MED15: variants seen among roughly 807,000 people sequenced by gnomAD.
MED15 encodes the protein mediator of RNA polymerase II transcription subunit 15.
In MED15, 41 loss-of-function variants were observed where a neutral mutation model predicts 118.7. That is an observed-to-expected ratio of 0.35 (90% CI 0.27 to 0.45). The LOEUF is 0.45. Among genes scored for constraint, MED15 ranks in the 20% least tolerant of loss-of-function variants. The pLI, the probability that MED15 is intolerant of heterozygous loss-of-function variation, is 1.00. For missense variants in MED15, 740 were observed against 1,025.5 expected (o/e 0.72, Z 3.80); for synonymous variants, 436 against 413.9 (o/e 1.05, Z -0.65).
chr22:20,585,932 C>A, intron 17 of MED15, 106 bp downstream of exon 17: 1 of 1,047,448 alleles, frequency 9.5e-7, no homozygotes, highest in Non-Finnish European at 1.4e-6. Flanking sequence ...GCTCCTGCCC[C>A]TCCCCAGCTC....
chr22:20,533,060 G>A (rs1009253737), intron 1 of MED15, among the ~76,000 whole-genome samples: 8 of 152,234 alleles, frequency 5.3e-5, no homozygotes, highest in African/African-American at 1.9e-4. Context: ...TGGCTGCTCA[G>A]GAAGGCATGC....
At chr22:20,553,307 A>T (rs1176407152) in intron 4 of MED15, 133 bp downstream of exon 4, 1 of 934,980 alleles carries the variant, frequency 1.1e-6, no homozygotes, top group Non-Finnish European at 1.7e-6. Context: ...AGAACTCTGG[A>T]GGGAGGAGGC....
chr22:20,529,335 C>T (rs1165351052), intron 1 of MED15, among the ~76,000 whole-genome samples: 1 of 152,260 alleles, frequency 6.6e-6, no homozygotes, highest in East Asian at 1.9e-4. Flanking sequence ...GCAACCTCCA[C>T]CTCCCTGGTT....
intron 1 of MED15, among the ~76,000 whole-genome samples, chr22:20,520,822 C>T (rs924823370): frequency 2.6e-5 from 4 of 152,100 alleles, no homozygotes; most frequent in South Asian, 2.1e-4. Flanking sequence ...ACTGCAGTCT[C>T]GACCTCCTGT....
chr22:20,522,287 G>A (rs1490279265), intron 1 of MED15: 1 of 152,162 alleles, frequency 6.6e-6, no homozygotes, highest in Non-Finnish European at 1.5e-5. Context: ...AGTGGTACCA[G>A]TTTACGTTCC....
At chr22:20,508,302 C>G (rs1255539664) in intron 1 of MED15, 1 of 1,302,738 alleles carries the variant, frequency 7.7e-7, no homozygotes, top group Admixed American at 2.3e-5. Context: ...AGGAAGCGAT[C>G]GTCGTTTCTG....
At chr22:20,518,957 A>C (rs1370610997) in intron 1 of MED15, 1 of 438,416 alleles carries the variant, frequency 2.3e-6, no homozygotes, top group Admixed American at 2.4e-5. Flanking sequence ...GGCTCAAGCG[A>C]TCCTCCCACG....
At chr22:20,539,167 C>T (rs1205731430) in intron 2 of MED15, among the ~76,000 whole-genome samples, 2 of 152,078 alleles carry the variant, frequency 1.3e-5, no homozygotes, top group Non-Finnish European at 1.5e-5. Flanking sequence ...GGCACGATCT[C>T]GGCTCACTGC....
In MED15 at chr22:20,586,903, G is replaced by T; in HGVS notation, c.*199G>T. 1.2e-6 allele frequency: 1 copy of T among 819,290 alleles called. No homozygotes were observed. The highest frequency in any genetic ancestry group is 2.1e-5 in the South Asian group (1 of 48,582). 50.8% of individuals were successfully genotyped at this position (819,290 alleles called of 1,614,324 possible). A position where few individuals can be genotyped will look rare whatever the true frequency, so the allele number is the denominator to read the frequency against. ...ATAGGCGCAGTGGAGCGGGTTGCTT[G>T]GGGGGCGTTGGCCGACTTCTTAGAG... On this transcript the variant is annotated 3_prime_UTR_variant, in exon 18 of 18. Transcript: ENST00000263205.
chr22:20,570,738 C>CTTTTTTTT (rs2056622196), intron 8 of MED15, among the ~76,000 whole-genome samples: 1 of 90,988 alleles, frequency 1.1e-5, no homozygotes, highest in Non-Finnish European at 2.1e-5. Flanking sequence ...TTCTTTCTTT[C>CTTTTTTTT]TTTCTTTCTT....
chr22:20,577,079 T>C (rs2056844743), intron 9 of MED15, among the ~76,000 whole-genome samples: 1 of 152,194 alleles, frequency 6.6e-6, no homozygotes, highest in Non-Finnish European at 1.5e-5. Flanking sequence ...TTGTAGCAGG[T>C]CATAGTTTGA....
In MED15 at chr22:20,585,690, G is replaced by A. The variant is rs1405263689; in HGVS notation, c.2132-38G>A. 1.9e-6 allele frequency: 3 copies of A among 1,593,894 alleles called. No homozygotes were observed. The East Asian group carries it at 6.7e-5, about 36-fold the overall frequency. ...GGGCTGTGAGGCAGGGCAGGCCGGG[G>A]CTTGTCCAGGTCACAGATAGAGCCT... is the stretch of plus-strand genomic sequence containing the variant. On this transcript the variant is annotated intron_variant, in intron 16 of 17. Coordinates refer to ENST00000263205, the MANE Select transcript of MED15 (RefSeq NM_001003891.3).
At position 20,566,477 on chromosome 22, in the gene MED15, AGCAACAGCAGCT is replaced by A; in HGVS notation, c.705_716del (p.Gln236_Gln239del). The A allele has an allele frequency of 6.2e-7, 1 of 1,612,240 alleles. No homozygotes were observed. The highest frequency in any genetic ancestry group is 8.5e-7 in the Non-Finnish European group (1 of 1,179,674). ...TTGTTCTGTCTCTAGATACAGCAGC[AGCAACAGCAGCT>A]GCAGCGAATAGCACAGCTGCAGCTC... is the stretch of plus-strand genomic sequence containing the variant. On this transcript the variant is annotated inframe_deletion, in exon 7 of 18. Transcript: ENST00000263205.
At chr22:20,537,815 T>A (rs980338341) in intron 2 of MED15, among the ~76,000 whole-genome samples, 3 of 152,190 alleles carry the variant, frequency 2.0e-5, no homozygotes, top group African/African-American at 7.2e-5. Flanking sequence ...AAACACATAT[T>A]CACTTGTGTG....
At chr22:20,555,825 G>C (rs1045931225) in intron 5 of MED15, among the ~76,000 whole-genome samples, 1 of 152,202 alleles carries the variant, frequency 6.6e-6, no homozygotes, top group Non-Finnish European at 1.5e-5. Context: ...GGGCTCAGGT[G>C]ATCCTCACAC....
intron 1 of MED15, among the ~76,000 whole-genome samples, chr22:20,529,973 C>T (rs1394492784): frequency 6.6e-6 from 1 of 152,224 alleles, no homozygotes; most frequent in Non-Finnish European, 1.5e-5. Flanking sequence ...ATCCACCTAC[C>T]TCCGCCTCCC....
Position 20,575,206 on chromosome 22 carries a change from C to A in MED15, c.1246C>A (p.Pro416Thr), listed in dbSNP as rs2056787420. ...AVSAIPSSSI[P>T]LGRQPMAQVS... ...GTCCGCCATCCCGTCAAGCTCCATC[C>A]CTTTGGGCAGACAGCCCATGGCACA... The change falls in exon 9 of 18, where the codon CCT becomes ACT. Residue 416 changes from proline (P) to threonine (T), a missense_variant. By Grantham distance (38) the Pro-to-Thr change is conservative (BLOSUM62 -1). Transcript: ENST00000263205. 1 of 1,613,978 alleles carries A rather than the reference C, an allele frequency of 6.2e-7. No homozygotes were observed. Among genetic ancestry groups the A allele is most frequent in the African/African-American group, 1.3e-5 (1 of 74,952 alleles).
At chr22:20,554,640 G>A (rs562067203) in intron 4 of MED15, 31 of 266,850 alleles carry the variant, frequency 1.2e-4, no homozygotes, top group African/African-American at 6.6e-4. Flanking sequence ...CTGCCCTCAA[G>A]GCCTCAGCCC....
chr22:20,542,246 T>G (rs1450481037), intron 2 of MED15, among the ~76,000 whole-genome samples: 1 of 152,144 alleles, frequency 6.6e-6, no homozygotes, highest in Non-Finnish European at 1.5e-5. Flanking sequence ...AGAAAACATG[T>G]CCACACAAAA....
Sources: gnomAD v4.1 joint callset for allele counts (sites outside exome capture counted in the v4.1 genomes callset) on GRCh38, gnomAD v4.1.1 for gene constraint, MANE v1.5 for transcripts, NCBI Gene and HGNC (gene_info 2026-07-23, HGNC 2026-07-21) for gene names.